The following C17orf67 variants were observed in gnomAD, a reference collection of about 807,000 sequenced individuals.
C17orf67 encodes the protein chromosome 17 open reading frame 67.
A neutral mutation model predicts 11.2 loss-of-function variants in C17orf67; 12 were observed. That is an observed-to-expected ratio of 1.07 (90% CI 0.68 to 1.73). C17orf67 has a LOEUF of 1.73. Ranked by LOEUF, C17orf67 falls within the 40% of genes most tolerant of loss-of-function variation. The probability of loss-of-function intolerance (pLI) is 0.00; values close to 1 mark genes in which losing one functional copy is unlikely to be tolerated. For synonymous variants in C17orf67, 59 were observed against 46.9 expected, an observed-to-expected ratio of 1.26 and a Z score of -1.05; for missense variants, 115 against 113.5, an observed-to-expected ratio of 1.01 and a Z score of -0.06.
At chr17:56,807,880 AC>A (rs1905491836) in intron 6 of C17orf67, among the ~76,000 whole-genome samples, 1 of 148,540 alleles carries the variant, frequency 6.7e-6, no homozygotes, top group South Asian at 2.2e-4. Flanking sequence ...ACACAGTGAG[AC>A]CCTGTCTCAA....
rs1905185114 is a variant in C17orf67, at chr17:56,795,085, C to G, written c.252G>C (p.Arg84Ser). The change falls in exon 7 of 8, where the codon AGG becomes AGC. Residue 84 changes from arginine to serine, a missense_variant. Arg to Ser is a moderately radical substitution (Grantham distance 110). Transcript: ENST00000397861. ...CCCCTTACACAGGATGAATCCTGTT[C>G]CTGTCACAGTGGGGTTTGCAGTGAG... ...LNPHCKPHCD[R>S]NRIHPV The G allele has an allele frequency of 6.2e-7, 1 of 1,613,884 alleles. No homozygotes were observed. The highest frequency in any genetic ancestry group is 1.3e-5 in the African/African-American group (1 of 74,922).
At chr17:56,821,364 T>C (rs749509455) in intron 4 of C17orf67, among the ~76,000 whole-genome samples, 2 of 152,234 alleles carry the variant, frequency 1.3e-5, no homozygotes, top group Non-Finnish European at 2.9e-5. Flanking sequence ...ATATATACAT[T>C]GTAAAAATAT....
At chr17:56,819,793 G>A (rs905098334) in intron 4 of C17orf67, among the ~76,000 whole-genome samples, 3 of 152,186 alleles carry the variant, frequency 2.0e-5, no homozygotes, top group South Asian at 2.1e-4. Flanking sequence ...GCGGGGTAAC[G>A]AGGTGAGTCG....
chr17:56,810,222 C>G (rs1054394153), intron 6 of C17orf67, among the ~76,000 whole-genome samples: 2 of 149,214 alleles, frequency 1.3e-5, no homozygotes, highest in Non-Finnish European at 3.0e-5. Flanking sequence ...CACCATCACA[C>G]CCCTCACATA....
chr17:56,826,348 A>G (rs1906031738), intron 2 of C17orf67, among the ~76,000 whole-genome samples: 1 of 152,206 alleles, frequency 6.6e-6, no homozygotes, highest in African/African-American at 2.4e-5. Flanking sequence ...AGACAATGAC[A>G]CTTTCACACA....
chr17:56,832,984 A>C lies in C17orf67; in HGVS notation c.-643T>G, dbSNP rs1171533544. The C allele has an allele frequency of 6.6e-6, 1 of 152,206 alleles. No homozygotes were observed. Among genetic ancestry groups the C allele is most frequent in the African/African-American group, 2.4e-5 (1 of 41,446 alleles). 9.4% of individuals were successfully genotyped at this position (152,206 alleles called of 1,614,324 possible). ...AAGATATTATCAAGTATTTCTTTGC[A>C]GTTTTCCTATGATCTCTGCGTTTCT... is the stretch of plus-strand genomic sequence containing the variant. On this transcript the variant is annotated 5_prime_UTR_variant, in exon 2 of 8. Coordinates refer to ENST00000397861, the MANE Select transcript of C17orf67 (RefSeq NM_001085430.4).
chr17:56,810,169 A>C (rs2144128772), intron 6 of C17orf67, among the ~76,000 whole-genome samples: 1 of 131,084 alleles, frequency 7.6e-6, no homozygotes. Context: ...CCCACCTCAC[A>C]CACACTCCTT....
intron 4 of C17orf67, among the ~76,000 whole-genome samples, chr17:56,816,535 A>C (rs1279821325): frequency 6.6e-6 from 1 of 152,244 alleles, no homozygotes; most frequent in African/African-American, 2.4e-5. Flanking sequence ...TACAGTAAGA[A>C]AAGTGAGATT....
At chr17:56,811,717 T>C (rs3896369) in intron 6 of C17orf67, among the ~76,000 whole-genome samples, 118,221 of 152,142 alleles carry the variant, frequency 0.78, 46,073 homozygotes, top group Middle Eastern at 0.85. Context: ...TAGTAGGGCA[T>C]GGTCAATATA....
rs750300763 is a variant in C17orf67, at chr17:56,830,965, G to A, written c.-557+1933C>T. ...TGAAGGGGGCATGAGTCTGGTGGGC[G>A]TGAGGACCATGCAGAGGCCAGAGTG... On this transcript the variant is annotated intron_variant, in intron 2 of 7. Coordinates refer to ENST00000397861, the MANE Select transcript of C17orf67 (RefSeq NM_001085430.4). 2.6e-5 allele frequency among the ~76,000 whole-genome samples: 4 copies of A among 152,254 alleles called. 1 individual carries two copies. The highest frequency in any genetic ancestry group is 5.9e-5 in the Non-Finnish European group (4 of 68,054).
intron 6 of C17orf67, among the ~76,000 whole-genome samples, chr17:56,802,177 C>T (rs1202024614): frequency 6.6e-6 from 1 of 152,098 alleles, no homozygotes; most frequent in East Asian, 1.9e-4. Context: ...CCGTGGGACC[C>T]AGATTAATTG....
chr17:56,815,846 C>T lies in C17orf67; in HGVS notation c.-36G>A, dbSNP rs1234591544. On this transcript the variant is annotated 5_prime_UTR_variant, in exon 5 of 8. Coordinates refer to ENST00000397861, the MANE Select transcript of C17orf67 (RefSeq NM_001085430.4). ...TTCCTCTGCCTCTTGCTGAGTGAAT[C>T]CTCCCAGACTGAGTCAGCCAACTTG... 3 of 1,613,254 alleles carry T rather than the reference C, an allele frequency of 1.9e-6. No homozygotes were observed. In the South Asian group the frequency reaches 3.3e-5, roughly 18 times the overall value.
chr17:56,810,739 C>T (rs1377524913), intron 6 of C17orf67, among the ~76,000 whole-genome samples: 1 of 152,220 alleles, frequency 6.6e-6, no homozygotes, highest in African/African-American at 2.4e-5. Context: ...CTCTGGCCTC[C>T]CCTGGCCAGA....
intron 4 of C17orf67, among the ~76,000 whole-genome samples, chr17:56,820,347 G>C (rs1310783880): frequency 1.3e-5 from 2 of 152,176 alleles, no homozygotes; most frequent in Non-Finnish European, 2.9e-5. Flanking sequence ...TCAGGGCCGT[G>C]GTGGCTGGAG....
chr17:56,806,014 G>A (rs530723584), intron 6 of C17orf67, among the ~76,000 whole-genome samples: 7 of 114,082 alleles, frequency 6.1e-5, no homozygotes, highest in South Asian at 5.7e-4. Flanking sequence ...TCGCTCTGTC[G>A]TCCAGGCTGG....
intron 2 of C17orf67, among the ~76,000 whole-genome samples, chr17:56,831,603 A>C (rs1479328125): frequency 6.6e-6 from 1 of 152,186 alleles, no homozygotes; most frequent in East Asian, 1.9e-4. Context: ...GGGGTGAATG[A>C]AATGAGTCTG....
intron 4 of C17orf67, among the ~76,000 whole-genome samples, chr17:56,820,546 A>C (rs1220878850): frequency 2.0e-5 from 3 of 152,224 alleles, no homozygotes. Flanking sequence ...AAACCCACGC[A>C]GACATGGAAA....
chr17:56,829,923 C>A (rs1050007279), intron 2 of C17orf67, among the ~76,000 whole-genome samples: 6 of 152,168 alleles, frequency 3.9e-5, no homozygotes, highest in African/African-American at 7.2e-5. Flanking sequence ...AAAATTATTG[C>A]ACTTTGAAAA....
chr17:56,811,416 G>T (rs564025440), intron 6 of C17orf67, among the ~76,000 whole-genome samples: 2 of 152,280 alleles, frequency 1.3e-5, no homozygotes, highest in South Asian at 4.1e-4. Flanking sequence ...AGCCACAGCT[G>T]GGTGGGCACC....
Sources: gnomAD v4.1 joint callset for allele counts (sites outside exome capture counted in the v4.1 genomes callset) on GRCh38, gnomAD v4.1.1 for gene constraint, MANE v1.5 for transcripts, NCBI Gene and HGNC (gene_info 2026-07-23, HGNC 2026-07-21) for gene names.